The following EGFR variants were observed in gnomAD, a reference collection of about 807,000 sequenced individuals.
The protein encoded by EGFR is avian erythroblastic leukemia viral (v-erb-b) oncogene homolog.
A neutral mutation model predicts 143.0 loss-of-function variants in EGFR; 58 were observed. The observed-to-expected ratio is 0.41, with a 90% CI of 0.33 to 0.50. The LOEUF is 0.50. Ranked by LOEUF, EGFR falls within the 20% of genes least tolerant of loss-of-function variation. The pLI is 0.39. For missense variants in EGFR, 1,307 were observed against 1,579.0 expected, an observed-to-expected ratio of 0.83 and a Z score of 2.92; for synonymous variants, 613 against 594.4, an observed-to-expected ratio of 1.03 and a Z score of -0.45.
At position 55,174,670 on chromosome 7, in the gene EGFR, T is replaced by A. The variant is rs1786510648; in HGVS notation, c.2185-52T>A. The A allele has an allele frequency of 5.5e-6, 8 of 1,445,336 alleles. No individual in the cohort carries two copies. In the East Asian group the frequency reaches 1.8e-4, roughly 33 times the overall value. 89.5% of individuals were successfully genotyped at this position (1,445,336 alleles called of 1,614,324 possible). A position where few individuals can be genotyped will look rare whatever the true frequency, so the allele number is the denominator to read the frequency against. On this transcript the variant is annotated intron_variant, in intron 18 of 27. Transcript: ENST00000275493. Reference sequence around the variant, plus strand: ...TCCACCCAGATCACTGGGCAGCATGTGGCACCATCTCACAATTGCCAGTTA... The same window carrying A: ...TCCACCCAGATCACTGGGCAGCATGAGGCACCATCTCACAATTGCCAGTTA...
intron 1 of EGFR, among the ~76,000 whole-genome samples, chr7:55,049,767 CCAAGATCAGAGGAG>C (rs1273208300): frequency 6.6e-6 from 1 of 152,122 alleles, no homozygotes; most frequent in African/African-American, 2.4e-5. Flanking sequence ...CTATGTGTCC[CCAAGATCAGAGGAG>C]CACAAATCCC....
chr7:55,181,328 C>T lies in EGFR; in HGVS notation c.2319C>T (p.His773=), dbSNP rs768468531. The change falls in exon 20 of 28, where the codon CAC becomes CAT. Residue 773 remains histidine (H), a synonymous_variant. Coordinates refer to ENST00000275493, the MANE Select transcript of EGFR (RefSeq NM_005228.5). ...TGATGGCCAGCGTGGACAACCCCCA[C>T]GTGTGCCGCCTGCTGGGCATCTGCC... ...AYVMASVDNP[H]VCRLLGICLT... is the part of the protein sequence containing the mutation. 26 of 1,614,094 alleles carry T rather than the reference C, an allele frequency of 1.6e-5. 1 individual carries two copies. The highest frequency in any genetic ancestry group is 1.1e-4 in the East Asian group (5 of 44,900).
At chr7:55,203,643 ACACACAC>A (rs1462284817) in intron 27 of EGFR, among the ~76,000 whole-genome samples, 3 of 142,318 alleles carry the variant, frequency 2.1e-5, no homozygotes, top group African/African-American at 8.0e-5. Context: ...ACACATACAC[ACACACAC>A]CACACACCAC....
At chr7:55,108,803 C>G (rs1792291052) in intron 1 of EGFR, among the ~76,000 whole-genome samples, 1 of 152,154 alleles carries the variant, frequency 6.6e-6, no homozygotes, top group South Asian at 2.1e-4. Flanking sequence ...GAATAAGAGG[C>G]AATGGATGGG....
At position 55,131,038 on chromosome 7, in the gene EGFR, G is replaced by A. The variant is rs572748128; in HGVS notation, c.89-11248G>A. ...CACTCAGACTCAAGTCTGACTAAGGGGCCAGGTGCTTTGACCAGGGACTCT... is the reference window on the plus strand; with the variant it reads ...CACTCAGACTCAAGTCTGACTAAGGAGCCAGGTGCTTTGACCAGGGACTCT... On this transcript the variant is annotated intron_variant, in intron 1 of 27. Coordinates refer to ENST00000275493, the MANE Select transcript of EGFR (RefSeq NM_005228.5). 2.6e-5 allele frequency among the ~76,000 whole-genome samples: 4 copies of A among 152,310 alleles called. No individual in the cohort carries two copies. The East Asian group carries it at 7.7e-4, about 29-fold the overall frequency.
At chr7:55,066,591 G>C (rs907859880) in intron 1 of EGFR, among the ~76,000 whole-genome samples, 35 of 152,314 alleles carry the variant, frequency 2.3e-4, no homozygotes, top group Admixed American at 2.1e-3. Flanking sequence ...GTCGAGTTTG[G>C]TTTGCTTGGT....
At chr7:55,069,872 C>T (rs1233193389) in intron 1 of EGFR, among the ~76,000 whole-genome samples, 2 of 152,216 alleles carry the variant, frequency 1.3e-5, no homozygotes, top group African/African-American at 2.4e-5. Context: ...AATCATCATT[C>T]TCTGTCTCTC....
chr7:55,085,173 A>C (rs574394178), intron 1 of EGFR, among the ~76,000 whole-genome samples: 1 of 152,346 alleles, frequency 6.6e-6, no homozygotes, highest in East Asian at 1.9e-4. Context: ...TGTCACAGGC[A>C]TGTTGTGTTT....
intron 15 of EGFR, among the ~76,000 whole-genome samples, chr7:55,167,804 G>A (rs944678319): frequency 6.6e-6 from 1 of 152,178 alleles, no homozygotes; most frequent in East Asian, 1.9e-4. Context: ...ATCTCCAACA[G>A]TGATATCTTA....
intron 3 of EGFR, among the ~76,000 whole-genome samples, chr7:55,144,014 C>T (rs908869492): frequency 2.6e-5 from 4 of 151,996 alleles, no homozygotes; most frequent in African/African-American, 9.7e-5. Flanking sequence ...TGAGAGGAAA[C>T]AATGAAGGAT....
At chr7:55,093,675 T>G (rs1365095464) in intron 1 of EGFR, among the ~76,000 whole-genome samples, 2 of 152,244 alleles carry the variant, frequency 1.3e-5, no homozygotes, top group African/African-American at 2.4e-5. Context: ...AGGTGAAAAC[T>G]GCACTTAGAC....
chr7:55,060,452 T>C (rs1389027810), intron 1 of EGFR, among the ~76,000 whole-genome samples: 1 of 152,238 alleles, frequency 6.6e-6, no homozygotes, highest in African/African-American at 2.4e-5. Flanking sequence ...AAGTCTCACA[T>C]TCTAAGAAAG....
intron 1 of EGFR, among the ~76,000 whole-genome samples, chr7:55,103,017 T>A (rs1259778200): frequency 2.0e-5 from 3 of 152,246 alleles, no homozygotes; most frequent in African/African-American, 7.2e-5. Flanking sequence ...TAGTTTCTTC[T>A]TCCTTTGAAG....
At chr7:55,162,713 A>G (rs1785769594) in intron 13 of EGFR, among the ~76,000 whole-genome samples, 1 of 152,214 alleles carries the variant, frequency 6.6e-6, no homozygotes, top group South Asian at 2.1e-4. Context: ...GACCCAGAGA[A>G]GAAGCACAGA....
intron 22 of EGFR, among the ~76,000 whole-genome samples, chr7:55,196,458 C>T (rs971410166): frequency 1.3e-5 from 2 of 151,918 alleles, no homozygotes; most frequent in Non-Finnish European, 2.9e-5. Context: ...AAATGTTCAC[C>T]CATTCTGTGG....
chr7:55,171,057 TTTAA>T (rs1392934636), intron 15 of EGFR, 114 bp from the exon 16 acceptor site: 1 of 1,536,556 alleles, frequency 6.5e-7, no homozygotes, highest in African/African-American at 1.4e-5. Context: ...ACATAGTGAT[TTTAA>T]TTATTTAAGA....
intron 1 of EGFR, among the ~76,000 whole-genome samples, chr7:55,054,975 C>G (rs1345774476): frequency 2.0e-5 from 3 of 152,222 alleles, no homozygotes; most frequent in Admixed American, 6.5e-5. Context: ...CCCTCCTGCC[C>G]TTCACTGGGG....
rs147544554 is a variant in EGFR, at chr7:55,032,725, A to G, written c.88+13360A>G. On this transcript the variant is annotated intron_variant, in intron 1 of 27. Transcript: ENST00000275493. The stretch of plus-strand genomic sequence containing the variant: ...ATCATATATGCATCCTGGATGGCAT[A>G]GAGTTGATTCTCCTAACAAATCAGT... Among the ~76,000 whole-genome samples, 977 of 152,346 alleles carry G rather than the reference A, an allele frequency of 6.4e-3. 6 individuals are homozygous for G. Among genetic ancestry groups the G allele is most frequent in the Middle Eastern group, 0.041 (12 of 294 alleles).
chr7:55,074,188 C>G (rs1790003797), intron 1 of EGFR, among the ~76,000 whole-genome samples: 1 of 152,182 alleles, frequency 6.6e-6, no homozygotes, highest in Non-Finnish European at 1.5e-5. Context: ...AGAGGCCAGC[C>G]CCACCCTTCC....
Sources: gnomAD v4.1 joint callset for allele counts (sites outside exome capture counted in the v4.1 genomes callset) on GRCh38, gnomAD v4.1.1 for gene constraint, MANE v1.5 for transcripts, NCBI Gene and HGNC (gene_info 2026-07-23, HGNC 2026-07-21) for gene names.